ADGRV1: variants seen among roughly 807,000 people sequenced by gnomAD.
ADGRV1 encodes the protein G-protein coupled receptor 98.
In ADGRV1, 359 loss-of-function variants were observed where a neutral mutation model predicts 596.2. The observed-to-expected ratio is 0.60, with a 90% CI of 0.55 to 0.66. The LOEUF (loss-of-function observed/expected upper bound fraction) is 0.66, where lower values mean the gene tolerates loss of function less well. Among genes scored for constraint, ADGRV1 ranks in the 30% least tolerant of loss-of-function variants. The pLI, the probability that ADGRV1 is intolerant of heterozygous loss-of-function variation, is 0.00. For synonymous variants in ADGRV1, 2,681 were observed against 2,679.2 expected (o/e 1.00, Z -0.02); for missense variants, 7,274 against 7,575.6 (o/e 0.96, Z 1.48).
At position 90,652,376 on chromosome 5, in the gene ADGRV1, T is replaced by C. The variant is rs374758503; in HGVS notation, c.3447T>C (p.Ser1149=). The C allele has an allele frequency of 2.5e-6, 4 of 1,605,160 alleles. No homozygotes were observed. In the Admixed American group the frequency reaches 5.1e-5, roughly 20 times the overall value. ...TGAGGCACCGAGGATACTTTGGTAGTGTTTCTGTATCTTGGCAGCTCTTTC... is the reference window on the plus strand; with the variant it reads ...TGAGGCACCGAGGATACTTTGGTAGCGTTTCTGTATCTTGGCAGCTCTTTC... ...WILRHRGYFG[S]VSVSWQLFQN... is the part of the protein sequence containing the mutation. Residue 1149 remains serine, a synonymous_variant, in exon 19 of 90, where the codon AGT becomes AGC. Transcript: ENST00000405460.
intron 86 of ADGRV1, among the ~76,000 whole-genome samples, chr5:91,076,809 T>C (rs2126468392): frequency 6.6e-6 from 1 of 152,288 alleles, no homozygotes; most frequent in African/African-American, 2.4e-5. Context: ...TTGAATATGC[T>C]CCACTTAACT....
intron 89 of ADGRV1, among the ~76,000 whole-genome samples, chr5:91,159,343 G>A (rs1049808573): frequency 1.3e-5 from 2 of 152,176 alleles, no homozygotes; most frequent in Non-Finnish European, 2.9e-5. Flanking sequence ...GCAAGACAGT[G>A]TTTTTGAAGC....
chr5:90,936,941 G>A (rs1164490384), intron 83 of ADGRV1, among the ~76,000 whole-genome samples: 4 of 151,780 alleles, frequency 2.6e-5, no homozygotes, highest in African/African-American at 9.7e-5. Context: ...AGGTTGACAG[G>A]GTATAAAATT....
intron 17 of ADGRV1, 44 bp downstream of exon 17, chr5:90,647,808 T>C (rs1768013443): frequency 6.4e-7 from 1 of 1,555,698 alleles, no homozygotes; most frequent in South Asian, 1.2e-5. Flanking sequence ...CCTCAGTGCT[T>C]TAATAAGATG....
At chr5:91,093,859 T>G (rs1452565378) in intron 86 of ADGRV1, among the ~76,000 whole-genome samples, 1 of 151,448 alleles carries the variant, frequency 6.6e-6, no homozygotes, top group South Asian at 2.1e-4. Flanking sequence ...AAGTTTTTTT[T>G]TTTTTTTTTT....
At chr5:91,082,971 G>A (rs1006215159) in intron 86 of ADGRV1, among the ~76,000 whole-genome samples, 1 of 152,126 alleles carries the variant, frequency 6.6e-6, no homozygotes, top group African/African-American at 2.4e-5. Context: ...TTAATTACAT[G>A]AATCAACTGG....
At chr5:90,742,893 G>A (rs1754138550) in intron 50 of ADGRV1, among the ~76,000 whole-genome samples, 1 of 152,236 alleles carries the variant, frequency 6.6e-6, no homozygotes, top group Non-Finnish European at 1.5e-5. Flanking sequence ...CAACTGGTGG[G>A]TGAATGGTAG....
chr5:91,101,519 T>G (rs1373707662), intron 86 of ADGRV1, among the ~76,000 whole-genome samples: 2 of 152,202 alleles, frequency 1.3e-5, no homozygotes, highest in Non-Finnish European at 2.9e-5. Flanking sequence ...TAAGATCGCC[T>G]CTATATGGTT....
intron 86 of ADGRV1, among the ~76,000 whole-genome samples, chr5:91,094,048 C>T (rs548298076): frequency 3.3e-5 from 5 of 151,804 alleles, no homozygotes; most frequent in Non-Finnish European, 5.9e-5. Context: ...GATGGGGTTT[C>T]GCCATGTTCG....
intron 83 of ADGRV1, among the ~76,000 whole-genome samples, chr5:90,926,137 C>T (rs886827714): frequency 6.7e-6 from 1 of 148,508 alleles, no homozygotes; most frequent in African/African-American, 2.5e-5. Context: ...CAGAATGATG[C>T]TGGCCTCATA....
chr5:90,646,669 G>T (rs1462464737), intron 16 of ADGRV1, among the ~76,000 whole-genome samples: 2 of 151,816 alleles, frequency 1.3e-5, no homozygotes, highest in African/African-American at 4.8e-5. Flanking sequence ...ACTCTTTCTT[G>T]AATCCTTGTT....
chr5:90,989,998 A>G (rs981022549), intron 85 of ADGRV1, among the ~76,000 whole-genome samples: 1 of 152,014 alleles, frequency 6.6e-6, no homozygotes, highest in Non-Finnish European at 1.5e-5. Context: ...TTGCATTTTT[A>G]GTAGGGACGG....
intron 68 of ADGRV1, among the ~76,000 whole-genome samples, chr5:90,789,119 C>A (rs539114819): frequency 2.6e-5 from 4 of 152,276 alleles, no homozygotes; most frequent in African/African-American, 9.6e-5. Context: ...CTCCAGGAAA[C>A]CTCAGTTTTT....
chr5:90,896,905 A>G (rs1771379113), intron 83 of ADGRV1, among the ~76,000 whole-genome samples: 1 of 152,236 alleles, frequency 6.6e-6, no homozygotes, highest in Non-Finnish European at 1.5e-5. Flanking sequence ...AGGCTGGATG[A>G]CATTCCCCTT....
Position 90,637,746 on chromosome 5 carries a change from G to C in ADGRV1, c.2038G>C (p.Asp680His), listed in dbSNP as rs753713800. Residue 680 changes from aspartate (D) to histidine (H), a missense_variant, in exon 11 of 90, where the codon GAT (aspartate) becomes CAT (histidine). Asp to His is a moderately conservative substitution (Grantham distance 81, BLOSUM62 -1). Around this residue, in one of 5 missense-constraint regions of ADGRV1, gnomAD observed 1,715 missense variants for 1,708.8 expected, o/e 1.00. Coordinates refer to ENST00000405460, the MANE Select transcript of ADGRV1 (RefSeq NM_032119.4). Reference protein sequence around the residue: ...AEVVYIPLHRDGTDGQATVYW... With the variant: ...AEVVYIPLHRHGTDGQATVYW... The stretch of plus-strand genomic sequence containing the variant: ...TAAGGTATACATTCCCTTACATCGG[G>C]ATGGAACTGATGGCCAGGCTACTGT... 1 of 1,612,096 alleles carries C rather than the reference G, an allele frequency of 6.2e-7. No individual in the cohort carries two copies. The highest frequency in any genetic ancestry group is 1.7e-5 in the Admixed American group (1 of 59,768).
At chr5:90,818,591 C>G (rs747297511) in intron 75 of ADGRV1, among the ~76,000 whole-genome samples, 3,101 of 151,518 alleles carry the variant, frequency 0.02, 48 homozygotes, top group Non-Finnish European at 0.033. Flanking sequence ...TACATCCCAT[C>G]AATACCTAAT....
In ADGRV1 at chr5:90,685,995, G is replaced by T. The variant is rs1175557462; in HGVS notation, c.6490G>T (p.Gly2164Cys). ...FKAVPITAIA[G>C]EDYSIASSDV... Reference sequence around the variant, plus strand: ...AGCTGTGCCAATAACTGCAATAGCTGGTAAGAAAAGACATCTAAAAAGCAG... The same window carrying T: ...AGCTGTGCCAATAACTGCAATAGCTTGTAAGAAAAGACATCTAAAAAGCAG... Residue 2164 changes from glycine (G) to cysteine (C), a missense_variant and splice_region_variant, in exon 29 of 90, where the codon GGT becomes TGT. Coordinates refer to ENST00000405460, the MANE Select transcript of ADGRV1 (RefSeq NM_032119.4). The T allele has an allele frequency of 6.4e-7, 1 of 1,560,040 alleles. No individual in the cohort carries two copies. The highest frequency in any genetic ancestry group is 1.2e-5 in the South Asian group (1 of 82,946).
intron 56 of ADGRV1, 47 bp from the exon 57 acceptor site, chr5:90,756,931 GA>G: frequency 7.2e-7 from 1 of 1,385,954 alleles, no homozygotes; most frequent in Non-Finnish European, 9.9e-7. Context: ...GATGACTTAT[GA>G]GAGTTACCAT....
chr5:90,806,429 A>G (rs573607945), intron 72 of ADGRV1, among the ~76,000 whole-genome samples: 4 of 152,190 alleles, frequency 2.6e-5, no homozygotes, highest in Admixed American at 2.6e-4. Context: ...TAAGTTAAAG[A>G]TATTTAATTA....
Sources: allele counts gnomAD v4.1 joint callset (sites outside exome capture counted in the v4.1 genomes callset), GRCh38; gene constraint gnomAD v4.1.1; regional missense constraint gnomAD v4.1.1; transcripts MANE v1.5; gene names NCBI Gene and HGNC (gene_info 2026-07-23, HGNC 2026-07-21).